AWAT2: variants seen among roughly 807,000 people sequenced by gnomAD.
AWAT2 encodes 11-cis-RE-synthase.
In AWAT2, 9 loss-of-function variants were observed where a neutral mutation model predicts 22.3. The observed-to-expected ratio is 0.40, with a 90% CI of 0.24 to 0.70. The LOEUF (loss-of-function observed/expected upper bound fraction) is 0.70. Ranked by LOEUF, AWAT2 falls within the 30% of genes least tolerant of loss-of-function variation. AWAT2 has a pLI of 0.36. For missense variants in AWAT2, 217 were observed against 265.9 expected (o/e 0.82, Z 1.28); for synonymous variants, 100 against 93.4 (o/e 1.07, Z -0.40).
At chrX:70,043,307 C>G in intron 4 of AWAT2, 64 bp from the exon 5 acceptor site, 1 of 1,107,110 alleles carries the variant, frequency 9.0e-7, no homozygotes. Context: ...TTCCTTTCTA[C>G]TGCTTCAAAG....
In AWAT2 at chrX:70,042,391, A is replaced by G. The variant is rs369168084; in HGVS notation, c.648-5T>C. 4 of 1,206,880 alleles carry G rather than the reference A, an allele frequency of 3.3e-6. No individual in the cohort carries two copies. Among genetic ancestry groups the G allele is most frequent in the Non-Finnish European group, 4.5e-6 (4 of 892,079 alleles). ...TAGGCAGGTATTAGAGGCACCCTGC[A>G]GAGCAAAAGCATATCTTCTGAAGCC... On this transcript the variant is annotated splice_region_variant and splice_polypyrimidine_tract_variant and intron_variant, in intron 5 of 7. Transcript: ENST00000276101.
chrX:70,042,277 C>T lies in AWAT2; in HGVS notation c.757G>A (p.Val253Ile). ...TAGAAAGCACAAGGGTAGATGTGTA[C>T]CATGCTCTGGAACCACTTCTGGAAG... is the stretch of plus-strand genomic sequence containing the variant. ...NRFQKWFQSMVHIYPCAFYGR... is the reference protein window; with the variant it reads ...NRFQKWFQSMIHIYPCAFYGR... The change falls in exon 6 of 8, where the codon GTA becomes ATA. Residue 253 changes from valine to isoleucine, a missense_variant. Physicochemically the swap from Val to Ile is conservative, Grantham distance 29 (BLOSUM62 3). Coordinates refer to ENST00000276101, the MANE Select transcript of AWAT2 (RefSeq NM_001002254.1). The T allele has an allele frequency of 8.3e-7, 1 of 1,211,456 alleles. No homozygotes were observed. The highest frequency in any genetic ancestry group is 1.8e-5 in the South Asian group (1 of 56,953).
chrX:70,049,397 T>C (rs1028508279), intron 1 of AWAT2, among the ~76,000 whole-genome samples: 2 of 111,606 alleles, frequency 1.8e-5, no homozygotes, highest in African/African-American at 6.5e-5. Flanking sequence ...ATTGTCGAAT[T>C]CCTCAGGATG....
intron 2 of AWAT2, 134 bp downstream of exon 2, chrX:70,044,218 C>T: frequency 9.2e-7 from 1 of 1,091,080 alleles, no homozygotes; most frequent in Non-Finnish European, 1.2e-6. Context: ...GGACCCCTTC[C>T]CTCAGCCTCT....
In AWAT2 at chrX:70,042,199, C is replaced by T. The variant is rs1394096963; in HGVS notation, c.835G>A (p.Val279Ile). The T allele has an allele frequency of 8.3e-7, 1 of 1,207,918 alleles. No individual in the cohort carries two copies. Among genetic ancestry groups the T allele is most frequent in the East Asian group, 3.0e-5 (1 of 33,788 alleles). Residue 279 changes from valine to isoleucine, a missense_variant, in exon 6 of 8, where the codon GTA (valine) becomes ATA (isoleucine). Coordinates refer to ENST00000276101, the MANE Select transcript of AWAT2 (RefSeq NM_001002254.1). ...SWGLLPYSRP[V>I]TTIVGEPLPM... is the part of the protein sequence containing the mutation. The stretch of plus-strand genomic sequence containing the variant: ...AACGCCCACTCACCGATGGTGGTTA[C>T]AGGCCGACTATAGGGCAGAAGGCCC...
rs766163803 is a variant in AWAT2 at position 70,042,350 on chromosome X, C to T, written c.684G>A (p.Thr228=). 19 of 1,210,417 alleles carry T rather than the reference C, an allele frequency of 1.6e-5. No homozygotes were observed. Among genetic ancestry groups the T allele is most frequent in the Middle Eastern group, 4.6e-4 (2 of 4,376 alleles). Residue 228 remains threonine, a synonymous_variant, in exon 6 of 8, where the codon ACG becomes ACA. Coordinates refer to ENST00000276101, the MANE Select transcript of AWAT2 (RefSeq NM_001002254.1). The part of the protein sequence containing the change: ...PLIPAYAFGE[T]DLYDQHIFTP... The stretch of plus-strand genomic sequence containing the variant: ...TGAAAATGTGCTGATCATAGAGGTC[C>T]GTCTCCCCAAAGGCATAGGCAGGTA...
intron 3 of AWAT2, 62 bp from the exon 4 acceptor site, chrX:70,043,744 G>A: frequency 9.2e-7 from 1 of 1,083,616 alleles, no homozygotes; most frequent in Non-Finnish European, 1.2e-6. Context: ...CTTTTGGGCA[G>A]AGATCTGAAA....
intron 1 of AWAT2, among the ~76,000 whole-genome samples, chrX:70,047,641 C>T: frequency 8.9e-6 from 1 of 112,013 alleles, no homozygotes; most frequent in Admixed American, 9.4e-5. Context: ...TGCACTATTT[C>T]CCTCACTTAT....
chrX:70,043,925 C>T lies in AWAT2; in HGVS notation c.267+1G>A. On this transcript the variant is annotated splice_donor_variant, in intron 3 of 7. Transcript: ENST00000276101. LOFTEE classifies it high-confidence loss of function. ...CTGAGTGGGGACCTGGGGCTACTGACCTTGAGAGGGAAATAATCGCTGTAG... is the reference window on the plus strand; with the variant it reads ...CTGAGTGGGGACCTGGGGCTACTGATCTTGAGAGGGAAATAATCGCTGTAG... 3.3e-6 allele frequency: 4 copies of T among 1,202,508 alleles called. No homozygotes were observed. The highest frequency in any genetic ancestry group is 4.5e-6 in the Non-Finnish European group (4 of 890,786).
rs926366843 is a variant in AWAT2 at position 70,040,876 on chromosome X, G to C, written c.*782C>G. On this transcript the variant is annotated 3_prime_UTR_variant, in exon 8 of 8. Coordinates refer to ENST00000276101, the MANE Select transcript of AWAT2 (RefSeq NM_001002254.1). ...GAGAGACTTGCCATTCAGAAGGAGA[G>C]TTCTTTATGGCTGCTAAAAGCCAGG... 3 of 112,246 alleles carry C rather than the reference G, an allele frequency of 2.7e-5. No individual in the cohort carries two copies. Among genetic ancestry groups the C allele is most frequent in the Non-Finnish European group, 5.6e-5 (3 of 53,304 alleles). The allele number at this position is 112,246 out of a possible 1,213,427, so 9.3% of individuals were successfully genotyped here. A position where few individuals can be genotyped will look rare whatever the true frequency, so the allele number is the denominator to read the frequency against.
chrX:70,048,979 T>C (rs2020380912), intron 1 of AWAT2, among the ~76,000 whole-genome samples: 1 of 112,063 alleles, frequency 8.9e-6, no homozygotes, highest in African/African-American at 3.2e-5. Flanking sequence ...ACCATCCTGA[T>C]TAATACACCC....
chrX:70,048,694 G>A (rs905162282), intron 1 of AWAT2, among the ~76,000 whole-genome samples: 1 of 112,170 alleles, frequency 8.9e-6, no homozygotes. Flanking sequence ...TGAGGCGACA[G>A]CTCATGGTTT....
intron 1 of AWAT2, among the ~76,000 whole-genome samples, chrX:70,049,176 A>G (rs1044965319): frequency 2.3e-4 from 26 of 111,703 alleles, no homozygotes; most frequent in African/African-American, 8.5e-4. Flanking sequence ...GCCTATCTGC[A>G]TTCTTTATTC....
chrX:70,048,211 A>G (rs2020376103), intron 1 of AWAT2, among the ~76,000 whole-genome samples: 1 of 110,978 alleles, frequency 9.0e-6, no homozygotes, highest in Non-Finnish European at 1.9e-5. Context: ...TCACAGAGCT[A>G]GAGTAATCTC....
intron 1 of AWAT2, among the ~76,000 whole-genome samples, chrX:70,047,428 G>A (rs7055132): frequency 0.069 from 7,740 of 111,559 alleles, 655 homozygotes; most frequent in African/African-American, 0.24. Flanking sequence ...GAGAGGCATT[G>A]GGTCTGATCC....
intron 7 of AWAT2, 25 bp downstream of exon 7, chrX:70,041,748 C>T: frequency 8.7e-7 from 1 of 1,153,458 alleles, no homozygotes; most frequent in Non-Finnish European, 1.2e-6. Context: ...TTTTGTCCTC[C>T]TGTTCTCACT....
chrX:70,042,463 T>C (rs1392220760), intron 5 of AWAT2, 77 bp from the exon 6 acceptor site: 2 of 1,008,762 alleles, frequency 2.0e-6, no homozygotes, highest in Admixed American at 4.6e-5. Context: ...TGACGGCGCA[T>C]GATCCCTGGG....
At chrX:70,047,621 T>C (rs978049146) in intron 1 of AWAT2, among the ~76,000 whole-genome samples, 1 of 111,902 alleles carries the variant, frequency 8.9e-6, no homozygotes, top group Non-Finnish European at 1.9e-5. Context: ...GGAACTAAAA[T>C]ACCAATATCT....
chrX:70,045,658 A>G lies in AWAT2; in HGVS notation c.86-1196T>C, dbSNP rs1228367050. ...TACTTACACTAGACACAGCTAAGATATTATATATGCAGCCAAATTATTAAT... is the reference window on the plus strand; with the variant it reads ...TACTTACACTAGACACAGCTAAGATGTTATATATGCAGCCAAATTATTAAT... On this transcript the variant is annotated intron_variant, in intron 1 of 7. Transcript: ENST00000276101. Among the ~76,000 whole-genome samples, 4 of 112,017 alleles carry G rather than the reference A, an allele frequency of 3.6e-5. No individual in the cohort carries two copies. The East Asian group carries it at 8.4e-4, about 23-fold the overall frequency.
Sources: gnomAD v4.1 joint callset for allele counts (sites outside exome capture counted in the v4.1 genomes callset) on GRCh38, gnomAD v4.1.1 for gene constraint, MANE v1.5 for transcripts, NCBI Gene and HGNC (gene_info 2026-07-23, HGNC 2026-07-21) for gene names.